The following SLC35F4 variants were observed in gnomAD, a reference collection of about 807,000 sequenced individuals.
The protein encoded by SLC35F4 is solute carrier family 35 member F4.
In SLC35F4, 24 loss-of-function variants were observed where a neutral mutation model predicts 44.2. That is an observed-to-expected ratio of 0.54 (90% confidence interval 0.39 to 0.76). The LOEUF (loss-of-function observed/expected upper bound fraction) is 0.76, where lower values mean the gene tolerates loss of function less well. Ranked by LOEUF, SLC35F4 falls within the 30% of genes least tolerant of loss-of-function variation. The probability of loss-of-function intolerance (pLI) is 0.00; values close to 1 mark genes in which losing one functional copy is unlikely to be tolerated. For synonymous variants in SLC35F4, 238 were observed against 223.6 expected (o/e 1.06, Z -0.57); for missense variants, 562 against 586.1 (o/e 0.96, Z 0.42).
intron 1 of SLC35F4, among the ~76,000 whole-genome samples, chr14:57,804,133 T>C (rs781705306): frequency 1.3e-5 from 2 of 152,070 alleles, no homozygotes; most frequent in Non-Finnish European, 2.9e-5. Flanking sequence ...CACAAAGAAA[T>C]GGAGAAACAT....
chr14:57,935,626 A>G (rs1000702060), intron 1 of SLC35F4, among the ~76,000 whole-genome samples: 5 of 152,228 alleles, frequency 3.3e-5, no homozygotes, highest in African/African-American at 1.2e-4. Context: ...AGGTGCTGGC[A>G]GAATAGCATA....
intron 1 of SLC35F4, among the ~76,000 whole-genome samples, chr14:57,735,504 C>T (rs112646376): frequency 1.5e-3 from 230 of 152,278 alleles, no homozygotes; most frequent in African/African-American, 4.9e-3. Flanking sequence ...TGCCAGCCAT[C>T]AGCTGGGATG....
chr14:57,787,154 A>C (rs568244892), intron 1 of SLC35F4, among the ~76,000 whole-genome samples: 29 of 152,332 alleles, frequency 1.9e-4, no homozygotes, highest in Admixed American at 1.8e-3. Context: ...AACAAGTGGA[A>C]GAAAGAAATT....
chr14:57,971,336 C>A (rs1881048347), intron 1 of SLC35F4, among the ~76,000 whole-genome samples: 1 of 152,186 alleles, frequency 6.6e-6, no homozygotes, highest in Non-Finnish European at 1.5e-5. Context: ...TTTAGCTCAA[C>A]TCAATCTTGT....
At chr14:57,714,486 C>T (rs953926276) in intron 1 of SLC35F4, among the ~76,000 whole-genome samples, 8 of 152,116 alleles carry the variant, frequency 5.3e-5, no homozygotes, top group Non-Finnish European at 8.8e-5. Flanking sequence ...ACTTTTCCTA[C>T]AAGTGAAAGC....
intron 1 of SLC35F4, among the ~76,000 whole-genome samples, chr14:57,858,937 A>T (rs1447281555): frequency 2.0e-5 from 3 of 151,148 alleles, no homozygotes; most frequent in African/African-American, 7.3e-5. Flanking sequence ...GATCTCTAAA[A>T]AAAAAAAAAA....
chr14:57,853,458 T>C (rs1466737312), intron 1 of SLC35F4, among the ~76,000 whole-genome samples: 1 of 152,180 alleles, frequency 6.6e-6, no homozygotes, highest in African/African-American at 2.4e-5. Flanking sequence ...TCTTCCCTCA[T>C]ACAGTCAATA....
At chr14:57,681,071 C>T (rs1393001444) in intron 1 of SLC35F4, among the ~76,000 whole-genome samples, 4 of 152,066 alleles carry the variant, frequency 2.6e-5, no homozygotes, top group Non-Finnish European at 4.4e-5. Flanking sequence ...CAAGACAATC[C>T]TAAGCAAAAA....
At position 57,594,072 on chromosome 14, in the gene SLC35F4, A is replaced by G; in HGVS notation, c.156T>C (p.Ser52=). The G allele has an allele frequency of 6.2e-7, 1 of 1,613,956 alleles. No homozygotes were observed. The highest frequency in any genetic ancestry group is 1.1e-5 in the South Asian group (1 of 91,072). The part of the protein sequence containing the change: ...TRCKPGANCP[S]SHSGISRQLS... Reference sequence around the variant, plus strand: ...GTTGTCTACTGATGCCACTGTGTGAACTGGGGCAGTTGGCTCCTGGTTTAC... The same window carrying G: ...GTTGTCTACTGATGCCACTGTGTGAGCTGGGGCAGTTGGCTCCTGGTTTAC... Residue 52 remains serine (S), a synonymous_variant, in exon 2 of 8, where the codon AGT becomes AGC. Transcript: ENST00000556826.
chr14:57,909,870 T>C (rs1889183725), intron 1 of SLC35F4, among the ~76,000 whole-genome samples: 1 of 152,140 alleles, frequency 6.6e-6, no homozygotes, highest in African/African-American at 2.4e-5. Context: ...GGTAAGAGTA[T>C]TTTTAATTTT....
upstream of SLC35F4, chr14:57,982,116 T>A (rs1321511998): frequency 6.6e-6 from 1 of 152,094 alleles, no homozygotes; most frequent in Non-Finnish European, 1.5e-5. Context: ...TCAAAAACCA[T>A]GTCAGCAGAC....
At chr14:57,743,137 A>G (rs2076661041) in intron 1 of SLC35F4, among the ~76,000 whole-genome samples, 1 of 152,238 alleles carries the variant, frequency 6.6e-6, no homozygotes, top group Admixed American at 6.5e-5. Flanking sequence ...TATAAAATTG[A>G]CATCCTAACC....
chr14:57,836,878 TA>T (rs1884987654), intron 1 of SLC35F4, among the ~76,000 whole-genome samples: 2 of 152,140 alleles, frequency 1.3e-5, no homozygotes, highest in African/African-American at 2.4e-5. Flanking sequence ...TCATCACACC[TA>T]AAAAAATTAA....
intron 1 of SLC35F4, among the ~76,000 whole-genome samples, chr14:57,774,532 G>A (rs1057188085): frequency 2.6e-5 from 4 of 152,186 alleles, no homozygotes; most frequent in Admixed American, 1.3e-4. Flanking sequence ...TTAGCCCTAG[G>A]GGAACTGTCT....
At chr14:57,750,663 A>G (rs2076863220) in intron 1 of SLC35F4, among the ~76,000 whole-genome samples, 1 of 152,090 alleles carries the variant, frequency 6.6e-6, no homozygotes, top group South Asian at 2.1e-4. Context: ...TCTGTTGGCC[A>G]TTTGTATGTC....
At chr14:57,756,824 T>A (rs118109662) in intron 1 of SLC35F4, among the ~76,000 whole-genome samples, 5,188 of 151,400 alleles carry the variant, frequency 0.034, 130 homozygotes, top group South Asian at 0.06. Flanking sequence ...CTGCCTAATT[T>A]TTTTTTTTTT....
downstream of SLC35F4, among the ~76,000 whole-genome samples, chr14:57,974,673 C>A (rs1385513186): frequency 2.6e-5 from 4 of 152,072 alleles, no homozygotes; most frequent in African/African-American, 9.7e-5. Context: ...ACCTAGCCCC[C>A]ACCAATCCTG....
intron 1 of SLC35F4, among the ~76,000 whole-genome samples, chr14:57,772,558 T>C (rs1470835166): frequency 6.6e-6 from 1 of 152,176 alleles, no homozygotes; most frequent in Non-Finnish European, 1.5e-5. Flanking sequence ...CCAGTGTCTA[T>C]TATTTCCATC....
intron 1 of SLC35F4, among the ~76,000 whole-genome samples, chr14:57,880,059 AG>A (rs1888494929): frequency 1.1e-5 from 1 of 93,602 alleles, no homozygotes; most frequent in East Asian, 5.9e-4. Context: ...GAAGGAAGGA[AG>A]GAAGGAAGGA....
Sources: allele counts gnomAD v4.1 joint callset (sites outside exome capture counted in the v4.1 genomes callset), GRCh38; gene constraint gnomAD v4.1.1; transcripts MANE v1.5; gene names NCBI Gene and HGNC (gene_info 2026-07-23, HGNC 2026-07-21).